PDCD11: variants seen among roughly 807,000 people sequenced by gnomAD.
PDCD11 encodes protein RRP5 homolog.
Under a neutral mutation model 198.9 loss-of-function variants are expected in PDCD11, and 97 were observed. The ratio of observed to expected loss-of-function variants is 0.49; its 90% confidence interval spans 0.41 to 0.58. The LOEUF (loss-of-function observed/expected upper bound fraction) is 0.58, where lower values mean the gene tolerates loss of function less well. Ranked by LOEUF, PDCD11 falls within the 20% of genes least tolerant of loss-of-function variation. The pLI, the probability that PDCD11 is intolerant of heterozygous loss-of-function variation, is 0.00. For missense variants in PDCD11, 2,102 were observed against 2,312.7 expected (o/e 0.91, Z 1.87); for synonymous variants, 893 against 918.0 (o/e 0.97, Z 0.49).
In PDCD11 at chr10:103,446,017, TG is replaced by T. The variant is rs1258768099; in HGVS notation, c.*470del. ...GGTGTTCCTTCAGCCTCAGCCTCAC[TG>T]GTACCTTCTGCCCTTTAGGGGAGGC... On this transcript the variant is annotated 3_prime_UTR_variant, in exon 36 of 36. Transcript: ENST00000369797. 2 of 162,094 alleles carry T rather than the reference TG, an allele frequency of 1.2e-5. No individual in the cohort carries two copies. The highest frequency in any genetic ancestry group is 2.7e-5 in the Non-Finnish European group (2 of 73,278). 10.0% of individuals were successfully genotyped at this position (162,094 alleles called of 1,614,324 possible).
rs2032470778 is a variant in PDCD11, at chr10:103,443,341, G to A, written c.5124+8G>A. 8.8e-6 allele frequency: 14 copies of A among 1,599,346 alleles called. No homozygotes were observed. The highest frequency in any genetic ancestry group is 1.1e-5 in the Non-Finnish European group (13 of 1,169,900). On this transcript the variant is annotated splice_region_variant and intron_variant, in intron 33 of 35. Coordinates refer to ENST00000369797, the MANE Select transcript of PDCD11 (RefSeq NM_014976.2). Reference sequence around the variant, plus strand: ...AAGTCAGAGAAATTCCAGGTAGGAGGTTGGGCCACAGACGAACTCCTGGGA... The same window carrying A: ...AAGTCAGAGAAATTCCAGGTAGGAGATTGGGCCACAGACGAACTCCTGGGA...
intron 15 of PDCD11, among the ~76,000 whole-genome samples, chr10:103,419,087 TAA>T (rs1457315812): frequency 2.6e-5 from 4 of 151,948 alleles, no homozygotes; most frequent in Admixed American, 6.6e-5. Context: ...TCACAGAATG[TAA>T]AGTTCATTCT....
At position 103,444,790 on chromosome 10, in the gene PDCD11, C is replaced by G. The variant is rs916064262; in HGVS notation, c.5444+108C>G. The G allele has an allele frequency of 3.8e-6, 4 of 1,050,496 alleles. No homozygotes were observed. In the Admixed American group the frequency reaches 7.2e-5, roughly 19 times the overall value. The allele number at this position is 1,050,496 out of a possible 1,614,324, so 65.1% of individuals were successfully genotyped here. A position where few individuals can be genotyped will look rare whatever the true frequency, so the allele number is the denominator to read the frequency against. On this transcript the variant is annotated intron_variant, in intron 35 of 35. Coordinates refer to ENST00000369797, the MANE Select transcript of PDCD11 (RefSeq NM_014976.2). ...AGTTCTCTTACTTGATCTAGAAAAC[C>G]AGCTAGATGTGATGCCCCAGGCCCA...
chr10:103,413,363 G>A (rs1196686698), intron 9 of PDCD11, 41 bp downstream of exon 9: 1 of 1,528,050 alleles, frequency 6.5e-7, no homozygotes, highest in African/African-American at 1.4e-5. Context: ...CTTATCACTG[G>A]AAGGACTTCT....
At chr10:103,401,232 A>C (rs2030025823) in intron 3 of PDCD11, among the ~76,000 whole-genome samples, 1 of 151,730 alleles carries the variant, frequency 6.6e-6, no homozygotes, top group Non-Finnish European at 1.5e-5. Context: ...TGTTCCTTAC[A>C]TTTTTATTTT....
chr10:103,409,719 G>T lies in PDCD11; in HGVS notation c.891G>T (p.Thr297=), dbSNP rs201307851. The change falls in exon 8 of 36, where the codon ACG becomes ACT. Residue 297 remains threonine (T), a synonymous_variant. Transcript: ENST00000369797. ...TCTAGGTGACTCCATTTGGCCTTACGCTAAACTTCCTCACATTCTTCACGG... is the reference window on the plus strand; with the variant it reads ...TCTAGGTGACTCCATTTGGCCTTACTCTAAACTTCCTCACATTCTTCACGG... ...QVQKVTPFGL[T]LNFLTFFTGV... 9 of 1,613,712 alleles carry T rather than the reference G, an allele frequency of 5.6e-6. No individual in the cohort carries two copies. In the Admixed American group the frequency reaches 1.5e-4, roughly 27 times the overall value.
At position 103,413,155 on chromosome 10, in the gene PDCD11, G is replaced by A. The variant is rs1181768244; in HGVS notation, c.1018G>A (p.Val340Ile). ...CCTTTGCGTCCATCCTCGAACCAGA[G>A]TTGTGCACCTGAGCCTGCGCCCCAT... ...CILCVHPRTR[V>I]VHLSLRPIFL... Residue 340 changes from valine (V) to isoleucine (I), a missense_variant, in exon 9 of 36, where the codon GTT (valine) becomes ATT (isoleucine). Physicochemically the swap from Val to Ile is conservative, Grantham distance 29. Coordinates refer to ENST00000369797, the MANE Select transcript of PDCD11 (RefSeq NM_014976.2). 2 of 1,614,184 alleles carry A rather than the reference G, an allele frequency of 1.2e-6. No homozygotes were observed. The highest frequency in any genetic ancestry group is 1.7e-5 in the Admixed American group (1 of 60,026).
chr10:103,422,256 T>G (rs1365327351), intron 17 of PDCD11, among the ~76,000 whole-genome samples: 2 of 151,486 alleles, frequency 1.3e-5, no homozygotes, highest in East Asian at 1.9e-4. Flanking sequence ...AATTTTTGTA[T>G]TTTTAGAGAA....
intron 16 of PDCD11, among the ~76,000 whole-genome samples, chr10:103,420,069 A>G (rs2031340905): frequency 2.0e-5 from 3 of 149,722 alleles, no homozygotes; most frequent in Admixed American, 1.4e-4. Flanking sequence ...AAGTGCTGCG[A>G]TTACAGGTGT....
chr10:103,440,697 A>C, intron 29 of PDCD11, 37 bp from the exon 30 acceptor site: 1 of 1,613,710 alleles, frequency 6.2e-7, no homozygotes, highest in Non-Finnish European at 8.5e-7. Flanking sequence ...GGGCTGCAGG[A>C]GGATGCTCCT....
At chr10:103,435,106 C>T (rs1289557918) in intron 25 of PDCD11, 131 bp downstream of exon 25, 1 of 563,836 alleles carries the variant, frequency 1.8e-6, no homozygotes, top group Non-Finnish European at 2.8e-6. Context: ...TTTCTGTAAC[C>T]CCTCTGTTTC....
intron 21 of PDCD11, among the ~76,000 whole-genome samples, chr10:103,429,038 C>T (rs1258545148): frequency 6.6e-6 from 1 of 152,176 alleles, no homozygotes; most frequent in Non-Finnish European, 1.5e-5. Context: ...GGATGAAAAA[C>T]ATTTAACTGA....
intron 7 of PDCD11, 73 bp downstream of exon 7, chr10:103,406,863 A>T: frequency 8.1e-7 from 1 of 1,238,440 alleles, no homozygotes; most frequent in South Asian, 1.5e-5. Context: ...CATAAAGTCT[A>T]AAACTACTGT....
intron 18 of PDCD11, 103 bp from the exon 19 acceptor site, chr10:103,423,440 C>T (rs567346295): frequency 1.1e-6 from 1 of 874,714 alleles, no homozygotes; most frequent in East Asian, 2.5e-5. Context: ...CATGTGTCCT[C>T]TTTGCTTTTT....
At position 103,419,727 on chromosome 10, in the gene PDCD11, A is replaced by G; in HGVS notation, c.2277+19A>G. 2 of 1,612,266 alleles carry G rather than the reference A, an allele frequency of 1.2e-6. No homozygotes were observed. ...AAAAGCTGTAAGTTCAACTCCATGT[A>G]CAAGGGCTTTGAGGAGAGATACAAG... is the stretch of plus-strand genomic sequence containing the variant. On this transcript the variant is annotated intron_variant, in intron 16 of 35. Coordinates refer to ENST00000369797, the MANE Select transcript of PDCD11 (RefSeq NM_014976.2).
chr10:103,436,992 A>C (rs1389034535), intron 25 of PDCD11, among the ~76,000 whole-genome samples: 2 of 152,238 alleles, frequency 1.3e-5, no homozygotes, highest in African/African-American at 2.4e-5. Flanking sequence ...TGTCTGCAGT[A>C]GTACCTAGCT....
At position 103,432,152 on chromosome 10, in the gene PDCD11, C is replaced by G. The variant is rs574981162; in HGVS notation, c.3392C>G (p.Ala1131Gly). ...AGTGAGCTGGAGGATGGCCACACTGCTCTTAACACTCACTCTGTTAGCCCC... is the reference window on the plus strand; with the variant it reads ...AGTGAGCTGGAGGATGGCCACACTGGTCTTAACACTCACTCTGTTAGCCCC... ...RPSELEDGHT[A>G]LNTHSVSPME... is the part of the protein sequence containing the mutation. The change falls in exon 22 of 36, where the codon GCT becomes GGT. Residue 1131 changes from alanine to glycine, a missense_variant. Transcript: ENST00000369797. The G allele has an allele frequency of 5.6e-6, 9 of 1,613,690 alleles. No homozygotes were observed. The highest frequency in any genetic ancestry group is 4.0e-5 in the African/African-American group (3 of 75,038).
intron 8 of PDCD11, among the ~76,000 whole-genome samples, chr10:103,410,655 C>G (rs2030745797): frequency 6.8e-6 from 1 of 146,132 alleles, no homozygotes; most frequent in Admixed American, 7.0e-5. Context: ...GTCACCCAGG[C>G]TGGAGTGCAG....
chr10:103,408,266 G>A (rs1030477356), intron 7 of PDCD11, among the ~76,000 whole-genome samples: 3 of 151,734 alleles, frequency 2.0e-5, no homozygotes, highest in African/African-American at 4.8e-5. Flanking sequence ...CTGCATAGCC[G>A]GTATCCTAGG....
Sources: gnomAD v4.1 joint callset for allele counts (sites outside exome capture counted in the v4.1 genomes callset) on GRCh38, gnomAD v4.1.1 for gene constraint, MANE v1.5 for transcripts, NCBI Gene and HGNC (gene_info 2026-07-23, HGNC 2026-07-21) for gene names.